HNF1A: variants seen among roughly 807,000 people sequenced by gnomAD.
HNF1A encodes hepatocyte nuclear factor 1-alpha.
In HNF1A, 21 loss-of-function variants were observed where a neutral mutation model predicts 62.2. The ratio of observed to expected loss-of-function variants is 0.34; its 90% CI spans 0.24 to 0.49. HNF1A has a LOEUF of 0.49. HNF1A is among the 20% of genes least tolerant of loss of function. HNF1A has a pLI of 0.99. For synonymous variants in HNF1A, 374 were observed against 366.8 expected, an observed-to-expected ratio of 1.02 and a Z score of -0.22; for missense variants, 687 against 832.3, an observed-to-expected ratio of 0.83 and a Z score of 2.15.
Position 120,994,293 on chromosome 12 carries a change from G to C in HNF1A, c.843G>C (p.Leu281=), listed in dbSNP as rs976606509. ...RRKEEAFRHK[L]AMDTYSGPPP... is the part of the protein sequence containing the mutation. Reference sequence around the variant, plus strand: ...AAGAAGAAGCCTTCCGGCACAAGCTGGCCATGGACACGTACAGCGGGCCCC... The same window carrying C: ...AAGAAGAAGCCTTCCGGCACAAGCTCGCCATGGACACGTACAGCGGGCCCC... The change falls in exon 4 of 10, where the codon CTG becomes CTC. Residue 281 remains leucine (L), a synonymous_variant. Transcript: ENST00000257555. The C allele has an allele frequency of 1.4e-5, 22 of 1,612,926 alleles. No homozygotes were observed. Among genetic ancestry groups the C allele is most frequent in the Non-Finnish European group, 2.5e-6 (3 of 1,179,610 alleles).
Position 120,996,966 on chromosome 12 carries a change from T to C in HNF1A, c.1309+224T>C. The C allele has an allele frequency of 6.7e-7, 1 of 1,499,892 alleles. No homozygotes were observed. Among genetic ancestry groups the C allele is most frequent in the East Asian group, 2.5e-5 (1 of 39,760 alleles). The allele number at this position is 1,499,892 out of a possible 1,614,324, so 92.9% of individuals were successfully genotyped here. A position where few individuals can be genotyped will look rare whatever the true frequency, so the allele number is the denominator to read the frequency against. On this transcript the variant is annotated intron_variant, in intron 6 of 9. Coordinates refer to ENST00000257555, the MANE Select transcript of HNF1A (RefSeq NM_000545.8). This position sits in a 1 kb window ranked among gnomAD's most constrained non-coding sequence, Gnocchi z 4.5. ...GCAGGGAGGCAGGCACTAAGCATAA[T>C]ACATCAATTCTGTGGTACCTCAGAA...
chr12:120,996,973 A>C lies in HNF1A; in HGVS notation c.1309+231A>C. The C allele has an allele frequency of 6.7e-7, 1 of 1,493,962 alleles. No homozygotes were observed. Among genetic ancestry groups the C allele is most frequent in the Non-Finnish European group, 9.1e-7 (1 of 1,100,680 alleles). The allele number at this position is 1,493,962 out of a possible 1,614,324, so 92.5% of individuals were successfully genotyped here. ...GGCAGGCACTAAGCATAATACATCA[A>C]TTCTGTGGTACCTCAGAAGGTGAAG... On this transcript the variant is annotated intron_variant, in intron 6 of 9. Transcript: ENST00000257555. The surrounding 1 kb of genome is among the most constrained non-coding windows in gnomAD (Gnocchi z 4.5).
At chr12:120,989,911 G>A (rs188858971) in intron 2 of HNF1A, among the ~76,000 whole-genome samples, 3 of 152,044 alleles carry the variant, frequency 2.0e-5, no homozygotes, top group Non-Finnish European at 4.4e-5. Context: ...GGGTGTTTCA[G>A]GCAGAAGGAA....
At chr12:120,995,958 A>T (rs1011294163) in intron 4 of HNF1A, among the ~76,000 whole-genome samples, 1 of 152,208 alleles carries the variant, frequency 6.6e-6, no homozygotes, top group Non-Finnish European at 1.5e-5. Context: ...ATTCATTTCA[A>T]TTCAACTAAA....
intron 4 of HNF1A, 41 bp downstream of exon 4, chr12:120,994,446 G>A (rs1031392194): frequency 1.3e-6 from 2 of 1,561,582 alleles, no homozygotes; most frequent in Non-Finnish European, 8.7e-7. Context: ...GGGAAGGTGG[G>A]AGGGTTGGGG....
intron 2 of HNF1A, among the ~76,000 whole-genome samples, chr12:120,990,680 G>GAGGA (rs111314068): frequency 6.1e-5 from 9 of 147,874 alleles, no homozygotes; most frequent in South Asian, 2.1e-4. Context: ...GTAGGAAAGG[G>GAGGA]AGGAAGGAAG....
chr12:120,997,455 C>T lies in HNF1A; in HGVS notation c.1310-19C>T. 6.3e-7 allele frequency: 1 copy of T among 1,592,042 alleles called. No homozygotes were observed. On this transcript the variant is annotated intron_variant, in intron 6 of 9. Transcript: ENST00000257555. ...ATATAACTGGGGGGCCCAGCTGATT[C>T]CCTCCCCTTCCACTCCAGGCCTGGC...
intron 1 of HNF1A, among the ~76,000 whole-genome samples, chr12:120,987,762 T>TTATC (rs1876589659): frequency 8.3e-6 from 1 of 120,214 alleles, no homozygotes; most frequent in East Asian, 2.6e-4. Flanking sequence ...GTCACAAAGT[T>TTATC]GATCTATCTA....
chr12:121,001,856 T>G lies in HNF1A; in HGVS notation c.*664T>G. On this transcript the variant is annotated 3_prime_UTR_variant, in exon 10 of 10. Transcript: ENST00000257555. ...CAGGCAGGGCTCTCCTGGCTTCCCA[T>G]CCCCAGCGATTCCCTCTCCCAGGCC... 1.9e-6 allele frequency: 1 copy of G among 523,736 alleles called. No homozygotes were observed. The highest frequency in any genetic ancestry group is 1.6e-5 in the South Asian group (1 of 63,314). The allele number at this position is 523,736 out of a possible 1,614,324, so 32.4% of individuals were successfully genotyped here. A position where few individuals can be genotyped will look rare whatever the true frequency, so the allele number is the denominator to read the frequency against.
intron 6 of HNF1A, 112 bp from the exon 7 acceptor site, chr12:120,997,362 C>G (rs1481480758): frequency 4.6e-5 from 62 of 1,360,366 alleles, no homozygotes; most frequent in Non-Finnish European, 6.1e-5. Flanking sequence ...CCACCCTGCC[C>G]CCTCCTCCAA....
At chr12:120,986,961 AGAG>A (rs996689983) in intron 1 of HNF1A, among the ~76,000 whole-genome samples, 14 of 152,266 alleles carry the variant, frequency 9.2e-5, no homozygotes, top group African/African-American at 3.1e-4. Context: ...ACAGAGCAGG[AGAG>A]GAGGAGAGAA....
At chr12:120,997,841 T>G (rs1016595098) in intron 7 of HNF1A, 176 bp downstream of exon 7, 5 of 751,208 alleles carry the variant, frequency 6.7e-6, no homozygotes, top group Admixed American at 2.0e-5. Context: ...TGCACGTATC[T>G]GTGTGTGTGC....
At chr12:120,993,438 A>G (rs915592331) in intron 2 of HNF1A, 82 bp from the exon 3 acceptor site, 66 of 1,408,680 alleles carry the variant, frequency 4.7e-5, no homozygotes, top group Non-Finnish European at 6.3e-5. Flanking sequence ...GCAATGAGAA[A>G]GAATCAAGGG....
In HNF1A at chr12:120,978,992, A is replaced by C. The variant is rs1459117725; in HGVS notation, c.224A>C (p.Asp75Ala). The C allele has an allele frequency of 6.2e-7, 1 of 1,608,870 alleles. No homozygotes were observed. Among genetic ancestry groups the C allele is most frequent in the Non-Finnish European group, 8.5e-7 (1 of 1,177,816 alleles). ...GETRGSEDET[D>A]DDGEDFTPPI... Reference sequence around the variant, plus strand: ...ACTCGGGGCTCCGAGGACGAGACGGACGACGATGGGGAAGACTTCACGCCA... The same window carrying C: ...ACTCGGGGCTCCGAGGACGAGACGGCCGACGATGGGGAAGACTTCACGCCA... The change falls in exon 1 of 10, where the codon GAC becomes GCC. Residue 75 changes from aspartate to alanine, a missense_variant. Physicochemically the swap from Asp to Ala is moderately radical, Grantham distance 126 (BLOSUM62 -2). Coordinates refer to ENST00000257555, the MANE Select transcript of HNF1A (RefSeq NM_000545.8).
At chr12:120,997,845 T>C in intron 7 of HNF1A, 180 bp downstream of exon 7, 1 of 746,254 alleles carries the variant, frequency 1.3e-6, no homozygotes, top group South Asian at 1.5e-5. Context: ...CGTATCTGTG[T>C]GTGTGCACGA....
chr12:120,996,321 G>T lies in HNF1A; in HGVS notation c.1015G>T (p.Gly339Cys). 1 of 1,614,126 alleles carries T rather than the reference G, an allele frequency of 6.2e-7. No homozygotes were observed. The highest frequency in any genetic ancestry group is 8.5e-7 in the Non-Finnish European group (1 of 1,180,010). The change falls in exon 5 of 10, where the codon GGT becomes TGT. Residue 339 changes from glycine (G) to cysteine (C), a missense_variant. This residue lies in a region of HNF1A where 408 missense variants were observed against 455.3 expected (regional missense o/e 0.90). Transcript: ENST00000257555. This position sits in a 1 kb window ranked among gnomAD's most constrained non-coding sequence, Gnocchi z 4.5. ...ETAEVPSSSGGPLVTVSTPLH... is the reference protein window; with the variant it reads ...ETAEVPSSSGCPLVTVSTPLH... ...TGCAGAAGTACCCTCAAGCAGCGGC[G>T]GTCCCTTAGTGACAGTGTCTACACC... is the stretch of plus-strand genomic sequence containing the variant.
chr12:120,987,472 C>A, intron 1 of HNF1A, among the ~76,000 whole-genome samples: 1 of 123,256 alleles, frequency 8.1e-6, no homozygotes, highest in African/African-American at 3.2e-5. Flanking sequence ...GAGACTCCAT[C>A]TCAAAAAAAA....
rs1328826127 is a variant in HNF1A at position 120,999,587 on chromosome 12, G to A, written c.1728G>A (p.Gln576=). 1 of 1,612,200 alleles carries A rather than the reference G, an allele frequency of 6.2e-7. No homozygotes were observed. The highest frequency in any genetic ancestry group is 1.7e-4 in the Middle Eastern group (1 of 5,864). Reference sequence around the variant, plus strand: ...CCAGCCAGGACCCTGCCAGCATCCAGCACCTGCAGCCGGCCCACCGGCTCA... The same window carrying A: ...CCAGCCAGGACCCTGCCAGCATCCAACACCTGCAGCCGGCCCACCGGCTCA... ...HVPSQDPASI[Q]HLQPAHRLSA... is the part of the protein sequence containing the mutation. The change falls in exon 9 of 10, where the codon CAG becomes CAA. Residue 576 remains glutamine, a synonymous_variant. Coordinates refer to ENST00000257555, the MANE Select transcript of HNF1A (RefSeq NM_000545.8).
In HNF1A at chr12:120,988,811, T is replaced by TCCCG. The variant is rs775446295; in HGVS notation, c.327-21_327-18dup. The TCCCG allele has an allele frequency of 2.5e-6, 4 of 1,612,850 alleles. No homozygotes were observed. In the Admixed American group the frequency reaches 6.7e-5, roughly 27 times the overall value. ...GGAGAGACAGCCCTTGCTGAGCAGA[T>TCCCG]CCCGTCCTTGCCCTCTCCCAGGGAG... is the stretch of plus-strand genomic sequence containing the variant. On this transcript the variant is annotated intron_variant, in intron 1 of 9. Coordinates refer to ENST00000257555, the MANE Select transcript of HNF1A (RefSeq NM_000545.8).
Sources: allele counts gnomAD v4.1 joint callset (sites outside exome capture counted in the v4.1 genomes callset), GRCh38; gene constraint gnomAD v4.1.1; regional missense constraint gnomAD v4.1.1; non-coding constraint Gnocchi (gnomAD v3.1); transcripts MANE v1.5; gene names NCBI Gene and HGNC (gene_info 2026-07-23, HGNC 2026-07-21).